MITD1: variants seen among roughly 807,000 people sequenced by gnomAD.
MITD1 encodes the protein microtubule interacting and trafficking domain containing 1.
In MITD1, 24 loss-of-function variants were observed where a neutral mutation model predicts 34.9. The observed-to-expected ratio is 0.69, with a 90% confidence interval of 0.50 to 0.97. MITD1 has a LOEUF of 0.97. Among genes scored for constraint, MITD1 ranks in the 50% least tolerant of loss-of-function variants. MITD1 has a pLI of 0.00. For missense variants in MITD1, 266 were observed against 294.6 expected, an observed-to-expected ratio of 0.90 and a Z score of 0.71; for synonymous variants, 102 against 101.4, an observed-to-expected ratio of 1.01 and a Z score of -0.04.
At position 99,181,048 on chromosome 2, in the gene MITD1, AGTGGTCATG is replaced by A; in HGVS notation, c.-76_-68del. ...GAGCGGGTCTGCTGCGCTTCCGGGA[AGTGGTCATG>A]TGATACCCAGGCGCCTGCGCTCTCT... On this transcript the variant is annotated 5_prime_UTR_variant, in exon 1 of 7. An upstream start codon of the reference 5' UTR is lost. Coordinates refer to ENST00000289359, the MANE Select transcript of MITD1 (RefSeq NM_138798.3). 1 of 1,551,390 alleles carries A rather than the reference AGTGGTCATG, an allele frequency of 6.4e-7. No homozygotes were observed. The highest frequency in any genetic ancestry group is 8.7e-7 in the Non-Finnish European group (1 of 1,147,024).
At chr2:99,171,992 G>A (rs191680418) in intron 2 of MITD1, 3 of 188,628 alleles carry the variant, frequency 1.6e-5, no homozygotes, top group East Asian at 1.3e-4. Context: ...ACTCCCTGTC[G>A]CCATGGGTAG....
intron 5 of MITD1, among the ~76,000 whole-genome samples, chr2:99,169,994 A>ATT (rs1481677842): frequency 6.6e-6 from 1 of 152,128 alleles, no homozygotes; most frequent in Non-Finnish European, 1.5e-5. Flanking sequence ...CAGCAGCTGC[A>ATT]TTTTCATCTG....
chr2:99,177,647 A>G (rs950365324), intron 1 of MITD1, among the ~76,000 whole-genome samples: 4 of 151,440 alleles, frequency 2.6e-5, no homozygotes, highest in African/African-American at 9.7e-5. Flanking sequence ...ATAAGACACC[A>G]GAATTTATTC....
intron 7 of MITD1, chr2:99,163,014 C>T (rs1397148345): frequency 6.2e-7 from 1 of 1,602,914 alleles, no homozygotes; most frequent in African/African-American, 1.3e-5. Context: ...TAGAACATGT[C>T]CACAAGACCA....
chr2:99,166,887 ATATATATAT>A (rs1559174838), downstream of MITD1, among the ~76,000 whole-genome samples: 142 of 112,260 alleles, frequency 1.3e-3, 2 homozygotes, highest in African/African-American at 4.9e-3. Flanking sequence ...ATATATATAT[ATATATATAT>A]AAATTTTTCA....
chr2:99,165,995 G>A (rs1411011735), downstream of MITD1, among the ~76,000 whole-genome samples: 4 of 152,138 alleles, frequency 2.6e-5, no homozygotes, highest in African/African-American at 9.7e-5. Context: ...CAGCAGGGGT[G>A]TCATCTGATT....
chr2:99,168,811 G>A (rs1484044650), downstream of MITD1, among the ~76,000 whole-genome samples: 1 of 151,706 alleles, frequency 6.6e-6, no homozygotes, highest in African/African-American at 2.4e-5. Flanking sequence ...ACAGGGTCTG[G>A]CTCTGTCACC....
At chr2:99,164,470 A>G (rs887079805), downstream of MITD1, among the ~76,000 whole-genome samples, 1 of 152,144 alleles carries the variant, frequency 6.6e-6, no homozygotes, top group Non-Finnish European at 1.5e-5. Flanking sequence ...CAGATGCTCA[A>G]CACCATGCCC....
intron 1 of MITD1, among the ~76,000 whole-genome samples, chr2:99,179,030 C>T (rs760874947): frequency 1.5e-4 from 23 of 152,256 alleles, no homozygotes; most frequent in East Asian, 1.9e-4. Context: ...TCCACCCTCA[C>T]ATGACCTTTA....
intron 1 of MITD1, among the ~76,000 whole-genome samples, chr2:99,174,625 C>T (rs1574831902): frequency 6.6e-6 from 1 of 152,156 alleles, no homozygotes; most frequent in African/African-American, 2.4e-5. Flanking sequence ...GAATCTCGCT[C>T]TGTCGCCCAG....
At position 99,171,328 on chromosome 2, in the gene MITD1, C is replaced by T. The variant is rs2093856260; in HGVS notation, c.477+15G>A. 3 of 1,589,396 alleles carry T rather than the reference C, an allele frequency of 1.9e-6. No homozygotes were observed. The highest frequency in any genetic ancestry group is 2.6e-6 in the Non-Finnish European group (3 of 1,159,886). ...TAAAGTTAATAAGAAAGAGTAAGTGCTTTCAGGTACCTACTTCATCCAGAG... is the reference window on the plus strand; with the variant it reads ...TAAAGTTAATAAGAAAGAGTAAGTGTTTTCAGGTACCTACTTCATCCAGAG... On this transcript the variant is annotated intron_variant, in intron 4 of 6. Transcript: ENST00000289359.
chr2:99,164,816 AT>A (rs2093819089), downstream of MITD1, among the ~76,000 whole-genome samples: 1 of 152,064 alleles, frequency 6.6e-6, no homozygotes, highest in Admixed American at 6.6e-5. Flanking sequence ...AAATCCTGAT[AT>A]GATGTGCTTT....
downstream of MITD1, among the ~76,000 whole-genome samples, chr2:99,167,500 G>A (rs2093832235): frequency 6.6e-6 from 1 of 152,160 alleles, no homozygotes; most frequent in African/African-American, 2.4e-5. Context: ...ATATCACTAT[G>A]TCTTAGCCAG....
At chr2:99,165,861 T>C (rs1306768052), downstream of MITD1, among the ~76,000 whole-genome samples, 1 of 152,090 alleles carries the variant, frequency 6.6e-6, no homozygotes, top group Non-Finnish European at 1.5e-5. Flanking sequence ...TGAGAACCCT[T>C]CTCTGGAAGT....
chr2:99,179,528 C>T (rs1304409547), intron 1 of MITD1, among the ~76,000 whole-genome samples: 1 of 152,138 alleles, frequency 6.6e-6, no homozygotes, highest in Non-Finnish European at 1.5e-5. Flanking sequence ...TCATCATTAT[C>T]ATCAAATAAT....
At chr2:99,180,805 C>T in intron 1 of MITD1, 26 bp downstream of exon 1, 1 of 1,601,296 alleles carries the variant, frequency 6.2e-7, no homozygotes, top group Non-Finnish European at 8.6e-7. Flanking sequence ...TTCCTCAGGT[C>T]CTCCCCGCCT....
chr2:99,178,176 G>A (rs139889170), intron 1 of MITD1: 1 of 152,160 alleles, frequency 6.6e-6, no homozygotes, highest in Admixed American at 6.5e-5. Context: ...TCAACATAAT[G>A]ATTTCATTTC....
At position 99,175,904 on chromosome 2, in the gene MITD1, G is replaced by A. The variant is rs146279238; in HGVS notation, c.152-1888C>T. 3.5e-4 allele frequency among the ~76,000 whole-genome samples: 54 copies of A among 152,218 alleles called. 2 individuals carry two copies. The highest frequency in any genetic ancestry group is 3.5e-3 in the East Asian group (18 of 5,178). On this transcript the variant is annotated intron_variant, in intron 1 of 6. Coordinates refer to ENST00000289359, the MANE Select transcript of MITD1 (RefSeq NM_138798.3). ...TGTGTCCTTTTGTCAAGCCCGCATC[G>A]CTATTATGTCCTTACATTTTGATTC...
At chr2:99,173,667 T>C in intron 2 of MITD1, 1 of 529,892 alleles carries the variant, frequency 1.9e-6, no homozygotes, top group Non-Finnish European at 3.4e-6. Flanking sequence ...AAGTATAGCT[T>C]TCATGAGATG....
Sources: gnomAD v4.1 joint callset for allele counts (sites outside exome capture counted in the v4.1 genomes callset) on GRCh38, gnomAD v4.1.1 for gene constraint, MANE v1.5 for transcripts, NCBI Gene and HGNC (gene_info 2026-07-23, HGNC 2026-07-21) for gene names.